The following CNTNAP2 variants were observed in gnomAD, a reference collection of about 807,000 sequenced individuals.
CNTNAP2 encodes contactin-associated protein-like 2.
Under a neutral mutation model 155.2 loss-of-function variants are expected in CNTNAP2, and 98 were observed. The observed-to-expected ratio is 0.63, with a 90% CI of 0.54 to 0.75. The LOEUF (loss-of-function observed/expected upper bound fraction) is 0.75, where lower values mean the gene tolerates loss of function less well. Among genes scored for constraint, CNTNAP2 ranks in the 30% least tolerant of loss-of-function variants. The pLI, the probability that CNTNAP2 is intolerant of heterozygous loss-of-function variation, is 0.00. For missense variants in CNTNAP2, 1,727 were observed against 1,688.1 expected, an observed-to-expected ratio of 1.02 and a Z score of -0.40; for synonymous variants, 651 against 631.2, an observed-to-expected ratio of 1.03 and a Z score of -0.47.
chr7:147,635,948 G>A (rs1461866801), intron 12 of CNTNAP2, among the ~76,000 whole-genome samples: 1 of 152,134 alleles, frequency 6.6e-6, no homozygotes, highest in African/African-American at 2.4e-5. Flanking sequence ...AAAGTTTTAT[G>A]CCAGAGGCTG....
At chr7:147,376,453 G>C (rs1410510788) in intron 9 of CNTNAP2, among the ~76,000 whole-genome samples, 4 of 151,890 alleles carry the variant, frequency 2.6e-5, no homozygotes, top group Non-Finnish European at 5.9e-5. Context: ...TTATCTATTT[G>C]AACACTCTGT....
chr7:147,667,223 A>C (rs1795709862), intron 13 of CNTNAP2, among the ~76,000 whole-genome samples: 1 of 152,172 alleles, frequency 6.6e-6, no homozygotes, highest in Non-Finnish European at 1.5e-5. Context: ...TGAAAACTCT[A>C]GTTTTCAGTT....
At chr7:147,080,103 A>T (rs1453542391) in intron 4 of CNTNAP2, among the ~76,000 whole-genome samples, 1 of 151,294 alleles carries the variant, frequency 6.6e-6, no homozygotes, top group South Asian at 2.1e-4. Flanking sequence ...TATCCCCCCA[A>T]TTAGGAGGTG....
intron 3 of CNTNAP2, among the ~76,000 whole-genome samples, chr7:146,907,961 C>G (rs1256879055): frequency 3.3e-5 from 5 of 152,060 alleles, no homozygotes; most frequent in Non-Finnish European, 5.9e-5. Flanking sequence ...GGAAGATCTA[C>G]CAAGCAAATA....
At chr7:146,336,248 A>G (rs1162265214) in intron 1 of CNTNAP2, among the ~76,000 whole-genome samples, 2 of 151,964 alleles carry the variant, frequency 1.3e-5, no homozygotes, top group African/African-American at 4.8e-5. Context: ...CTATAGTGAG[A>G]CAAGTAATCA....
intron 8 of CNTNAP2, among the ~76,000 whole-genome samples, chr7:147,190,146 A>G (rs1296241261): frequency 6.6e-6 from 1 of 152,158 alleles, no homozygotes; most frequent in Non-Finnish European, 1.5e-5. Flanking sequence ...ATAGAGCTGC[A>G]AGAAGCTCTT....
chr7:146,512,068 A>G (rs1021826677), intron 1 of CNTNAP2, among the ~76,000 whole-genome samples: 14 of 151,990 alleles, frequency 9.2e-5, no homozygotes, highest in African/African-American at 1.4e-4. Context: ...TTGTTGGAAT[A>G]TAGTTGTTAT....
chr7:147,540,616 A>G (rs1161374650), intron 11 of CNTNAP2, among the ~76,000 whole-genome samples: 5 of 152,196 alleles, frequency 3.3e-5, no homozygotes, highest in Non-Finnish European at 7.3e-5. Context: ...GCAGATCACA[A>G]GGTCAGGAGA....
chr7:146,957,091 A>C (rs901264136), intron 3 of CNTNAP2, among the ~76,000 whole-genome samples: 1 of 152,202 alleles, frequency 6.6e-6, no homozygotes, highest in African/African-American at 2.4e-5. Flanking sequence ...TCATAGTGTA[A>C]ATATCACAGA....
At chr7:148,113,495 G>A (rs1804400927) in intron 15 of CNTNAP2, among the ~76,000 whole-genome samples, 1 of 152,130 alleles carries the variant, frequency 6.6e-6, no homozygotes, top group Admixed American at 6.5e-5. Context: ...GATTTGGGTG[G>A]GAACACAGAT....
intron 2 of CNTNAP2, 123 bp downstream of exon 2, chr7:146,774,504 C>T: frequency 1.4e-6 from 1 of 705,362 alleles, no homozygotes; most frequent in Non-Finnish European, 2.5e-6. Context: ...ACTCCTGCCA[C>T]TTCTATTAAA....
Position 147,189,665 on chromosome 7 carries a change from A to G in CNTNAP2, c.1348+57156A>G, listed in dbSNP as rs58695481. 8.4e-3 allele frequency among the ~76,000 whole-genome samples: 1,287 copies of G among 152,330 alleles called. 16 individuals carry two copies. Among genetic ancestry groups the G allele is most frequent in the African/African-American group, 0.03 (1,237 of 41,578 alleles). Reference sequence around the variant, plus strand: ...AAAGTTTGATTAATCATTTTGAGAAATACATTAAAAAAGAAACAAAATTTT... The same window carrying G: ...AAAGTTTGATTAATCATTTTGAGAAGTACATTAAAAAAGAAACAAAATTTT... On this transcript the variant is annotated intron_variant, in intron 8 of 23. Transcript: ENST00000361727.
chr7:146,733,149 T>G (rs573141079), intron 1 of CNTNAP2, among the ~76,000 whole-genome samples: 1 of 152,226 alleles, frequency 6.6e-6, no homozygotes, highest in Non-Finnish European at 1.5e-5. Context: ...AATAGACTGA[T>G]TTTGCTAAGA....
intron 2 of CNTNAP2, among the ~76,000 whole-genome samples, chr7:146,787,818 C>T (rs1034381858): frequency 1.3e-5 from 2 of 152,116 alleles, no homozygotes; most frequent in African/African-American, 4.8e-5. Context: ...TAGCTAGAAA[C>T]AAAAGTTCTC....
intron 12 of CNTNAP2, among the ~76,000 whole-genome samples, chr7:147,594,379 A>G (rs192853085): frequency 1.4e-3 from 220 of 152,144 alleles, no homozygotes; most frequent in African/African-American, 4.9e-3. Context: ...AGAAGTTCCC[A>G]CCAGTCCTCT....
At chr7:148,078,248 G>A (rs1585114005) in intron 15 of CNTNAP2, among the ~76,000 whole-genome samples, 4 of 152,054 alleles carry the variant, frequency 2.6e-5, no homozygotes, top group Admixed American at 1.3e-4. Flanking sequence ...ATTTTTAGTA[G>A]AGATGGCATT....
intron 22 of CNTNAP2, among the ~76,000 whole-genome samples, chr7:148,393,404 G>A (rs1799397266): frequency 6.6e-6 from 1 of 152,120 alleles, no homozygotes; most frequent in Non-Finnish European, 1.5e-5. Context: ...TTGCTAATGT[G>A]CATTTTCCTG....
intron 10 of CNTNAP2, among the ~76,000 whole-genome samples, chr7:147,462,276 G>A (rs1292900583): frequency 6.6e-6 from 1 of 152,138 alleles, no homozygotes; most frequent in African/African-American, 2.4e-5. Context: ...TGCATTGCAC[G>A]GAATTTGCCA....
chr7:146,615,794 C>T (rs934115842), intron 1 of CNTNAP2, among the ~76,000 whole-genome samples: 1 of 152,182 alleles, frequency 6.6e-6, no homozygotes, highest in Non-Finnish European at 1.5e-5. Context: ...TACATTGCTT[C>T]TCAAAGTTGA....
Sources: allele counts gnomAD v4.1 joint callset (sites outside exome capture counted in the v4.1 genomes callset), GRCh38; gene constraint gnomAD v4.1.1; transcripts MANE v1.5; gene names NCBI Gene and HGNC (gene_info 2026-07-23, HGNC 2026-07-21).